SCNN1B: variants seen among roughly 807,000 people sequenced by gnomAD.
SCNN1B encodes epithelial sodium channel subunit beta.
Under a neutral mutation model 65.3 loss-of-function variants are expected in SCNN1B, and 46 were observed. The ratio of observed to expected loss-of-function variants is 0.70; its 90% CI spans 0.56 to 0.90. SCNN1B has a LOEUF of 0.90. Among genes scored for constraint, SCNN1B ranks in the 40% least tolerant of loss-of-function variants. SCNN1B has a pLI of 0.00. For synonymous variants in SCNN1B, 349 were observed against 330.6 expected, an observed-to-expected ratio of 1.06 and a Z score of -0.60; for missense variants, 751 against 830.5, an observed-to-expected ratio of 0.90 and a Z score of 1.18.
Position 23,371,442 on chromosome 16 carries a change from A to T in SCNN1B, c.1024A>T (p.Thr342Ser), listed in dbSNP as rs1210131656. The change falls in exon 6 of 13, where the codon ACG becomes TCG. Residue 342 changes from threonine (T) to serine (S), a missense_variant. Physicochemically the swap from Thr to Ser is moderately conservative, Grantham distance 58. Coordinates refer to ENST00000343070, the MANE Select transcript of SCNN1B (RefSeq NM_000336.3). ...CATCTACGCCATGTCGGGGACAGAG[A>T]CGTCCATCGGGGTACTCGTGGTATG... ...EGIYAMSGTE[T>S]SIGVLVDKLQ... 6.2e-7 allele frequency: 1 copy of T among 1,613,968 alleles called. No homozygotes were observed. The highest frequency in any genetic ancestry group is 2.2e-5 in the East Asian group (1 of 44,868).
At chr16:23,333,210 G>GA (rs1961864269) in intron 1 of SCNN1B, among the ~76,000 whole-genome samples, 4 of 86,152 alleles carry the variant, frequency 4.6e-5, no homozygotes, top group African/African-American at 2.0e-4. Flanking sequence ...AGGAAGGAAG[G>GA]AAGAAAGAAA....
intron 2 of SCNN1B, among the ~76,000 whole-genome samples, chr16:23,293,182 ATTGAAACC>A (rs1217832559): frequency 6.6e-6 from 1 of 151,412 alleles, no homozygotes; most frequent in Non-Finnish European, 1.5e-5. Flanking sequence ...ACCCAAAAGA[ATTGAAACC>A]AGTGACTCAA....
At chr16:23,313,434 G>A (rs1441314652) in intron 1 of SCNN1B, among the ~76,000 whole-genome samples, 3 of 152,202 alleles carry the variant, frequency 2.0e-5, no homozygotes, top group Non-Finnish European at 4.4e-5. Context: ...TTCACTTGAG[G>A]AGGTGTGGTC....
At chr16:23,321,299 C>T (rs1285225671) in intron 1 of SCNN1B, among the ~76,000 whole-genome samples, 1 of 152,162 alleles carries the variant, frequency 6.6e-6, no homozygotes, top group African/African-American at 2.4e-5. Flanking sequence ...GCCTCAGCCT[C>T]CCGAAGTGCT....
At chr16:23,303,858 G>A in intron 1 of SCNN1B, 1 of 597,356 alleles carries the variant, frequency 1.7e-6, no homozygotes, top group Non-Finnish European at 3.0e-6. Context: ...GGTGGAGGTT[G>A]CAGTGAGCTG....
chr16:23,378,868 A>G (rs896910467), intron 11 of SCNN1B, 101 bp downstream of exon 11: 4 of 1,127,126 alleles, frequency 3.5e-6, no homozygotes, highest in South Asian at 2.5e-5. Context: ...ACATTCTCAC[A>G]TGGGTCAGAC....
intron 1 of SCNN1B, among the ~76,000 whole-genome samples, chr16:23,338,918 T>C (rs1300591762): frequency 6.6e-6 from 1 of 152,250 alleles, no homozygotes; most frequent in African/African-American, 2.4e-5. Flanking sequence ...ATTTGAAGCA[T>C]ATTGTTTGAT....
chr16:23,310,131 C>A (rs1323259210), intron 1 of SCNN1B, among the ~76,000 whole-genome samples: 1 of 152,134 alleles, frequency 6.6e-6, no homozygotes, highest in Non-Finnish European at 1.5e-5. Flanking sequence ...AATTCCAGCA[C>A]TCAGGAAGGC....
chr16:23,312,799 A>T (rs1023754766), intron 1 of SCNN1B, among the ~76,000 whole-genome samples: 2 of 152,082 alleles, frequency 1.3e-5, no homozygotes, highest in African/African-American at 4.8e-5. Context: ...GCACCAGATG[A>T]TAGAGAGTGG....
intron 1 of SCNN1B, among the ~76,000 whole-genome samples, chr16:23,310,986 G>A (rs560200712): frequency 6.6e-6 from 1 of 152,328 alleles, no homozygotes; most frequent in South Asian, 2.1e-4. Context: ...CCTCGGATGA[G>A]GGAGTCCAGG....
At chr16:23,375,903 G>T in intron 8 of SCNN1B, 48 bp downstream of exon 8, 1 of 1,287,654 alleles carries the variant, frequency 7.8e-7, no homozygotes, top group African/African-American at 1.5e-5. Context: ...TGGGGCCACA[G>T]AGGCTCTGAC....
chr16:23,328,122 G>A (rs1961734869), intron 1 of SCNN1B, among the ~76,000 whole-genome samples: 1 of 152,206 alleles, frequency 6.6e-6, no homozygotes, highest in South Asian at 2.1e-4. Flanking sequence ...AATCTGGTGA[G>A]TTTACAAGAC....
At chr16:23,368,662 T>G (rs1338782224) in intron 5 of SCNN1B, among the ~76,000 whole-genome samples, 1 of 152,186 alleles carries the variant, frequency 6.6e-6, no homozygotes, top group Non-Finnish European at 1.5e-5. Context: ...GAGTAAATAG[T>G]ATAAGCCTTG....
intron 1 of SCNN1B, among the ~76,000 whole-genome samples, chr16:23,303,047 ATG>A (rs1197922584): frequency 6.6e-6 from 1 of 152,062 alleles, no homozygotes; most frequent in Non-Finnish European, 1.5e-5. Context: ...ATTTGGGGTG[ATG>A]TGGTGGAGGA....
intron 3 of SCNN1B, among the ~76,000 whole-genome samples, chr16:23,354,083 T>G (rs1962367313): frequency 6.6e-6 from 1 of 152,222 alleles, no homozygotes; most frequent in Non-Finnish European, 1.5e-5. Flanking sequence ...CATGGCGTTA[T>G]GACTTCCACA....
At chr16:23,336,763 C>A (rs917186836) in intron 1 of SCNN1B, among the ~76,000 whole-genome samples, 1 of 152,200 alleles carries the variant, frequency 6.6e-6, no homozygotes, top group African/African-American at 2.4e-5. Context: ...TGGCTCAGCA[C>A]ATCAAACCTG....
intron 2 of SCNN1B, among the ~76,000 whole-genome samples, chr16:23,352,067 GC>G (rs1962320752): frequency 6.6e-6 from 1 of 152,202 alleles, no homozygotes; most frequent in African/African-American, 2.4e-5. Flanking sequence ...AAAGCACCTA[GC>G]ACCTGGCACA....
At chr16:23,325,967 C>T (rs902531508) in intron 1 of SCNN1B, among the ~76,000 whole-genome samples, 4 of 151,858 alleles carry the variant, frequency 2.6e-5, no homozygotes, top group African/African-American at 7.3e-5. Context: ...CTTAGCTACT[C>T]GGGAGACTGA....
chr16:23,332,025 T>C (rs1384341450), intron 1 of SCNN1B, among the ~76,000 whole-genome samples: 1 of 152,038 alleles, frequency 6.6e-6, no homozygotes, highest in East Asian at 1.9e-4. Flanking sequence ...CTCTTGTCTT[T>C]TTGTTTTTTG....
Sources: gnomAD v4.1 joint callset for allele counts (sites outside exome capture counted in the v4.1 genomes callset) on GRCh38, gnomAD v4.1.1 for gene constraint, MANE v1.5 for transcripts, NCBI Gene and HGNC (gene_info 2026-07-23, HGNC 2026-07-21) for gene names.